SLIT2: variants seen among roughly 807,000 people sequenced by gnomAD.
SLIT2 encodes slit guidance ligand 2.
SLIT2 carries 41 observed loss-of-function variants against 185.7 expected under a neutral mutation model. The observed-to-expected ratio is 0.22, with a 90% CI of 0.17 to 0.29. SLIT2 has a LOEUF of 0.29. Among genes scored for constraint, SLIT2 ranks in the 10% least tolerant of loss-of-function variants. SLIT2 has a pLI of 1.00. For synonymous variants in SLIT2, 693 were observed against 680.2 expected, an observed-to-expected ratio of 1.02 and a Z score of -0.29; for missense variants, 1,571 against 1,909.0, an observed-to-expected ratio of 0.82 and a Z score of 3.30.
intron 4 of SLIT2, among the ~76,000 whole-genome samples, chr4:20,366,019 A>G (rs1034949540): frequency 1.3e-5 from 2 of 152,162 alleles, no homozygotes; most frequent in Non-Finnish European, 2.9e-5. Context: ...AGTTTATCCC[A>G]TAATTTGTTG....
intron 27 of SLIT2, 52 bp downstream of exon 27, chr4:20,567,438 T>C (rs1361909706): frequency 3.7e-6 from 6 of 1,611,828 alleles, no homozygotes; most frequent in Non-Finnish European, 5.1e-6. Context: ...CTTTTCTTGG[T>C]GTGCCTTTAT....
chr4:20,488,279 G>A (rs961435624), intron 7 of SLIT2, among the ~76,000 whole-genome samples: 3 of 152,140 alleles, frequency 2.0e-5, no homozygotes, highest in African/African-American at 7.2e-5. Context: ...AACAACAAAA[G>A]AAGGAAATGA....
chr4:20,461,432 G>A (rs1448170572), intron 4 of SLIT2, among the ~76,000 whole-genome samples: 1 of 152,182 alleles, frequency 6.6e-6, no homozygotes, highest in Non-Finnish European at 1.5e-5. Flanking sequence ...GTGCTGATCA[G>A]ATTTTGGGGG....
intron 7 of SLIT2, 66 bp from the exon 8 acceptor site, chr4:20,488,753 A>C: frequency 9.0e-7 from 1 of 1,106,052 alleles, no homozygotes; most frequent in Non-Finnish European, 1.3e-6. Context: ...TAAGAAATAC[A>C]GGTATATATT....
intron 4 of SLIT2, among the ~76,000 whole-genome samples, chr4:20,455,503 T>G (rs980290584): frequency 2.0e-5 from 3 of 152,046 alleles, no homozygotes; most frequent in African/African-American, 7.2e-5. Flanking sequence ...CCAACAGAGA[T>G]AGATATTGAT....
chr4:20,475,355 C>T (rs1307797371), intron 5 of SLIT2, among the ~76,000 whole-genome samples: 1 of 150,656 alleles, frequency 6.6e-6, no homozygotes, highest in Non-Finnish European at 1.5e-5. Flanking sequence ...ACTACATCAG[C>T]CTAGAGTAAT....
At chr4:20,537,626 A>G (rs754957622) in intron 18 of SLIT2, among the ~76,000 whole-genome samples, 4 of 152,126 alleles carry the variant, frequency 2.6e-5, no homozygotes, top group Non-Finnish European at 5.9e-5. Context: ...TTAGCACCTG[A>G]GACAGATATT....
intron 12 of SLIT2, among the ~76,000 whole-genome samples, chr4:20,521,392 G>A (rs1720825308): frequency 6.6e-6 from 1 of 152,054 alleles, no homozygotes; most frequent in African/African-American, 2.4e-5. Context: ...GAAGAGGCAG[G>A]GAAATAAAAG....
At chr4:20,294,212 G>T (rs1383447624) in intron 4 of SLIT2, among the ~76,000 whole-genome samples, 2 of 152,006 alleles carry the variant, frequency 1.3e-5, no homozygotes, top group Non-Finnish European at 2.9e-5. Flanking sequence ...GCTGGGCATG[G>T]TGGCATGTGC....
At chr4:20,582,499 G>T (rs1429244327) in intron 29 of SLIT2, among the ~76,000 whole-genome samples, 2 of 152,130 alleles carry the variant, frequency 1.3e-5, no homozygotes, top group Admixed American at 6.5e-5. Flanking sequence ...CTATCAATCA[G>T]AACATGTTTC....
intron 4 of SLIT2, among the ~76,000 whole-genome samples, chr4:20,407,991 A>G (rs1726904755): frequency 6.6e-6 from 1 of 152,156 alleles, no homozygotes; most frequent in Non-Finnish European, 1.5e-5. Context: ...TGATAGGGGA[A>G]CCCATATAGA....
intron 4 of SLIT2, among the ~76,000 whole-genome samples, chr4:20,360,005 A>G (rs556336329): frequency 6.6e-6 from 1 of 152,004 alleles, no homozygotes; most frequent in African/African-American, 2.4e-5. Context: ...CACAGTGGAG[A>G]AATGGTATGG....
In SLIT2 at chr4:20,596,446, G is replaced by A. The variant is rs113831126; in HGVS notation, c.3352G>A (p.Val1118Ile). 12 of 1,613,724 alleles carry A rather than the reference G, an allele frequency of 7.4e-6. No individual in the cohort carries two copies. In the African/African-American group the frequency reaches 1.5e-4, roughly 20 times the overall value. ...GTTCTGTGAGTTTTCTCCACCCATG[G>A]TCCTCCCTCGTACCAGCCCCTGTGA... is the stretch of plus-strand genomic sequence containing the variant. ...GLFCEFSPPMVLPRTSPCDNF... is the reference protein window; with the variant it reads ...GLFCEFSPPMILPRTSPCDNF... The change falls in exon 32 of 37, where the codon GTC becomes ATC. Residue 1118 changes from valine (V) to isoleucine (I), a missense_variant. Coordinates refer to ENST00000504154, the MANE Select transcript of SLIT2 (RefSeq NM_004787.4).
chr4:20,594,032 G>A (rs1201273732), intron 30 of SLIT2, among the ~76,000 whole-genome samples: 1 of 144,804 alleles, frequency 6.9e-6, no homozygotes, highest in Non-Finnish European at 1.5e-5. Flanking sequence ...GTATATATGT[G>A]TATATATGTA....
chr4:20,396,860 A>G (rs527792838), intron 4 of SLIT2, among the ~76,000 whole-genome samples: 40 of 148,240 alleles, frequency 2.7e-4, no homozygotes, highest in African/African-American at 9.5e-4. Context: ...AAAGATATAC[A>G]TATTAAATAT....
intron 29 of SLIT2, among the ~76,000 whole-genome samples, chr4:20,584,514 T>C (rs1163530625): frequency 1.3e-5 from 2 of 152,196 alleles, no homozygotes; most frequent in African/African-American, 4.8e-5. Flanking sequence ...ACCAGGACGG[T>C]TGTACAAGCA....
intron 4 of SLIT2, among the ~76,000 whole-genome samples, chr4:20,356,853 A>G (rs1722366450): frequency 6.6e-6 from 1 of 152,164 alleles, no homozygotes; most frequent in Non-Finnish European, 1.5e-5. Flanking sequence ...TTAAAGATTC[A>G]GGGACTCCAG....
At chr4:20,568,787 C>CT (rs1725314337) in intron 28 of SLIT2, 78 bp from the exon 29 acceptor site, 1 of 1,346,786 alleles carries the variant, frequency 7.4e-7, no homozygotes, top group Non-Finnish European at 1.0e-6. Context: ...TGTAATTATG[C>CT]TTTTTTCAAT....
At chr4:20,586,647 A>T (rs1454693834) in intron 29 of SLIT2, among the ~76,000 whole-genome samples, 3 of 152,248 alleles carry the variant, frequency 2.0e-5, no homozygotes, top group Non-Finnish European at 4.4e-5. Flanking sequence ...AGTAGTAAGC[A>T]TGATATAAAT....
Sources: allele counts gnomAD v4.1 joint callset (sites outside exome capture counted in the v4.1 genomes callset), GRCh38; gene constraint gnomAD v4.1.1; transcripts MANE v1.5; gene names NCBI Gene and HGNC (gene_info 2026-07-23, HGNC 2026-07-21).